The following KIF14 variants were observed in gnomAD, a reference collection of about 807,000 sequenced individuals.
KIF14 encodes the protein kinesin-like protein KIF14.
KIF14 carries 98 observed loss-of-function variants against 176.2 expected under a neutral mutation model. The ratio of observed to expected loss-of-function variants is 0.56; its 90% CI spans 0.47 to 0.66. The LOEUF (loss-of-function observed/expected upper bound fraction) is 0.66. Among genes scored for constraint, KIF14 ranks in the 30% least tolerant of loss-of-function variants. The pLI is 0.00. For missense variants in KIF14, 1,751 were observed against 1,920.4 expected, an observed-to-expected ratio of 0.91 and a Z score of 1.65; for synonymous variants, 566 against 632.2, an observed-to-expected ratio of 0.90 and a Z score of 1.57.
Position 200,617,869 on chromosome 1 carries a change from G to T in KIF14, c.855C>A (p.His285Gln). 6.2e-7 allele frequency: 1 copy of T among 1,614,164 alleles called. No individual in the cohort carries two copies. ...GCAGGCTGCACTTTGTTGTCAGTTTGTGTTCTGTTGTACATTTTGTAGGTG... is the reference window on the plus strand; with the variant it reads ...GCAGGCTGCACTTTGTTGTCAGTTTTTGTTCTGTTGTACATTTTGTAGGTG... ...KRTPTKCTTE[H>Q]KLTTKCSLPQ... The change falls in exon 2 of 30, where the codon CAC (histidine) becomes CAA (glutamine). Residue 285 changes from histidine to glutamine, a missense_variant. Physicochemically the swap from His to Gln is conservative, Grantham distance 24. Transcript: ENST00000367350.
chr1:200,593,721 T>C lies in KIF14; in HGVS notation c.2598A>G (p.Glu866=). 6.2e-7 allele frequency: 1 copy of C among 1,613,012 alleles called. No individual in the cohort carries two copies. Among genetic ancestry groups the C allele is most frequent in the East Asian group, 2.2e-5 (1 of 44,786 alleles). The change falls in exon 15 of 30, where the codon GAA becomes GAG. Residue 866 remains glutamate (E), a synonymous_variant. Coordinates refer to ENST00000367350, the MANE Select transcript of KIF14 (RefSeq NM_014875.3). ...GTTTTCCATTTACATATGTCTTTGC[T>C]TCCCCAACTGGGATAATACTCACTG... ...GGTVSIIPVG[E]AKTYVNGKHI...
chr1:200,565,528 A>G lies in KIF14; in HGVS notation c.3803T>C (p.Ile1268Thr), dbSNP rs374750910. 1.8e-5 allele frequency: 29 copies of G among 1,611,250 alleles called. No homozygotes were observed. Among genetic ancestry groups the G allele is most frequent in the Admixed American group, 1.7e-5 (1 of 59,574 alleles). The change falls in exon 24 of 30, where the codon ATT becomes ACT. Residue 1268 changes from isoleucine to threonine, a missense_variant. Ile to Thr is a moderately conservative substitution (Grantham distance 89). Coordinates refer to ENST00000367350, the MANE Select transcript of KIF14 (RefSeq NM_014875.3). ...ATTATAAATTTTAAGAAAACTATTA[A>G]TTAGGCTGTCTGCTATAGTTCTTTC... ...DEERTIADSL[I>T]NSFLKIYNGL...
At chr1:200,608,971 T>C (rs1660022512) in intron 4 of KIF14, 43 bp from the exon 5 acceptor site, 1 of 1,127,962 alleles carries the variant, frequency 8.9e-7, no homozygotes, top group African/African-American at 1.6e-5. Flanking sequence ...TTTTGATGTT[T>C]TGCAAATCAT....
intron 22 of KIF14, among the ~76,000 whole-genome samples, chr1:200,570,581 C>T (rs74675327): frequency 0.092 from 13,983 of 152,018 alleles, 953 homozygotes; most frequent in Non-Finnish European, 0.13. Context: ...AGGACTGTGG[C>T]CTATGATGTA....
At chr1:200,563,384 A>C (rs754139268) in intron 25 of KIF14, among the ~76,000 whole-genome samples, 36 of 152,140 alleles carry the variant, frequency 2.4e-4, no homozygotes, top group East Asian at 1.5e-3. Flanking sequence ...ATTATTATTG[A>C]GACATGGTCT....
Position 200,589,375 on chromosome 1 carries a change from A to T in KIF14, c.2962-6T>A. 6.3e-7 allele frequency: 1 copy of T among 1,586,166 alleles called. No homozygotes were observed. Among genetic ancestry groups the T allele is most frequent in the Non-Finnish European group, 8.6e-7 (1 of 1,167,726 alleles). On this transcript the variant is annotated splice_region_variant and splice_polypyrimidine_tract_variant and intron_variant, in intron 17 of 29. Coordinates refer to ENST00000367350, the MANE Select transcript of KIF14 (RefSeq NM_014875.3). ...TTCCTTTGAGACTCTTCTCTCTTTA[A>T]AGAACAATAATAAAAAATATCTCAG...
chr1:200,605,857 A>G lies in KIF14; in HGVS notation c.1638+7T>C, dbSNP rs1659854330. 3 of 1,514,044 alleles carry G rather than the reference A, an allele frequency of 2.0e-6. No homozygotes were observed. Among genetic ancestry groups the G allele is most frequent in the Non-Finnish European group, 2.7e-6 (3 of 1,123,662 alleles). 93.8% of individuals were successfully genotyped at this position (1,514,044 alleles called of 1,614,324 possible). A position where few individuals can be genotyped will look rare whatever the true frequency, so the allele number is the denominator to read the frequency against. On this transcript the variant is annotated splice_region_variant and intron_variant, in intron 7 of 29. Transcript: ENST00000367350. ...ATCTAGTGAAAAGAAAACAAAATCA[A>G]TCTTACCTGGATATCAGCGTAAGAA...
At chr1:200,567,114 T>C (rs982416412) in intron 23 of KIF14, among the ~76,000 whole-genome samples, 1 of 149,894 alleles carries the variant, frequency 6.7e-6, no homozygotes, top group Admixed American at 6.7e-5. Flanking sequence ...GAGGTTGCAG[T>C]GAGCCGAGAT....
chr1:200,594,816 G>A (rs1402239983), intron 14 of KIF14, among the ~76,000 whole-genome samples: 1 of 152,196 alleles, frequency 6.6e-6, no homozygotes, highest in Admixed American at 6.5e-5. Flanking sequence ...TTTAATTAAA[G>A]CATCTAGAGA....
At chr1:200,604,010 G>T in intron 8 of KIF14, 55 bp from the exon 9 acceptor site, 1 of 1,078,686 alleles carries the variant, frequency 9.3e-7, no homozygotes, top group Non-Finnish European at 1.4e-6. Context: ...AATCAATATA[G>T]GTTTTTTTAA....
intron 2 of KIF14, among the ~76,000 whole-genome samples, chr1:200,616,898 G>A (rs1044214667): frequency 3.3e-5 from 5 of 152,144 alleles, no homozygotes; most frequent in African/African-American, 1.2e-4. Context: ...AGTAATCGGA[G>A]ACAATGATGA....
chr1:200,592,981 G>A (rs1571527748), intron 15 of KIF14, among the ~76,000 whole-genome samples: 1 of 152,088 alleles, frequency 6.6e-6, no homozygotes, highest in East Asian at 1.9e-4. Flanking sequence ...TTACATATGT[G>A]GTCCCTCATT....
chr1:200,606,847 T>G (rs777004155), intron 5 of KIF14, 49 bp from the exon 6 acceptor site: 1 of 1,391,062 alleles, frequency 7.2e-7, no homozygotes, highest in South Asian at 1.2e-5. Context: ...AAATATTTCA[T>G]GTAACTTGAA....
At chr1:200,595,002 T>C (rs893055174) in intron 14 of KIF14, among the ~76,000 whole-genome samples, 1 of 152,162 alleles carries the variant, frequency 6.6e-6, no homozygotes, top group Non-Finnish European at 1.5e-5. Context: ...CCCCACAATC[T>C]GGCTTCAACC....
At chr1:200,586,786 CATACATATAT>C (rs1359608883) in intron 18 of KIF14, among the ~76,000 whole-genome samples, 9 of 85,260 alleles carry the variant, frequency 1.1e-4, no homozygotes, top group African/African-American at 3.4e-4. Context: ...TATATATATA[CATACATATAT>C]ATATATATAT....
chr1:200,608,562 T>G (rs1659999418), intron 5 of KIF14, among the ~76,000 whole-genome samples: 2 of 152,066 alleles, frequency 1.3e-5, no homozygotes, highest in Admixed American at 1.3e-4. Flanking sequence ...AGGGTTTCAC[T>G]GTGTTGTCCA....
chr1:200,596,602 T>C (rs1571536042), intron 14 of KIF14, among the ~76,000 whole-genome samples: 2 of 146,482 alleles, frequency 1.4e-5, no homozygotes, highest in East Asian at 4.2e-4. Context: ...TCTCACTCTA[T>C]TGCCTAGGGT....
chr1:200,563,239 C>T (rs552882806), intron 25 of KIF14, among the ~76,000 whole-genome samples: 2 of 152,286 alleles, frequency 1.3e-5, no homozygotes, highest in South Asian at 2.1e-4. Flanking sequence ...TGTGGAAAGT[C>T]TTTCGGTGGG....
chr1:200,577,870 A>G (rs1290709945), intron 21 of KIF14, among the ~76,000 whole-genome samples: 2 of 152,096 alleles, frequency 1.3e-5, no homozygotes, highest in Admixed American at 1.3e-4. Flanking sequence ...TTTAAACAGA[A>G]TAAGATTTAT....
Sources: allele counts gnomAD v4.1 joint callset (sites outside exome capture counted in the v4.1 genomes callset), GRCh38; gene constraint gnomAD v4.1.1; transcripts MANE v1.5; gene names NCBI Gene and HGNC (gene_info 2026-07-23, HGNC 2026-07-21).